JMJD1C: variants seen among roughly 807,000 people sequenced by gnomAD.
JMJD1C encodes jumonji domain containing 1C.
A neutral mutation model predicts 245.3 loss-of-function variants in JMJD1C; 31 were observed. The ratio of observed to expected loss-of-function variants is 0.13; its 90% CI spans 0.09 to 0.17. JMJD1C has a LOEUF of 0.17. Among genes scored for constraint, JMJD1C ranks in the 10% least tolerant of loss-of-function variants. The pLI is 1.00. For missense variants in JMJD1C, 2,691 were observed against 3,000.2 expected (o/e 0.90, Z 2.41); for synonymous variants, 1,057 against 1,017.4 (o/e 1.04, Z -0.74).
At chr10:63,263,821 G>T (rs1157983467) in intron 3 of JMJD1C, among the ~76,000 whole-genome samples, 2 of 151,372 alleles carry the variant, frequency 1.3e-5, no homozygotes, top group Non-Finnish European at 2.9e-5. Flanking sequence ...CATCCCAGCT[G>T]CTCTGGAGGC....
chr10:63,282,569 C>T (rs1206661938), intron 2 of JMJD1C, among the ~76,000 whole-genome samples: 1 of 152,184 alleles, frequency 6.6e-6, no homozygotes, highest in Non-Finnish European at 1.5e-5. Flanking sequence ...AATTACGATT[C>T]ATTTAAAAGT....
At chr10:63,428,355 GATCA>G (rs1220779542) in intron 1 of JMJD1C, among the ~76,000 whole-genome samples, 7 of 152,220 alleles carry the variant, frequency 4.6e-5, no homozygotes, top group South Asian at 4.1e-4. Context: ...ATTGACAAAA[GATCA>G]ATTAACGAAA....
At chr10:63,249,757 G>A (rs1852788924) in intron 3 of JMJD1C, among the ~76,000 whole-genome samples, 4 of 152,022 alleles carry the variant, frequency 2.6e-5, no homozygotes, top group South Asian at 2.1e-4. Context: ...CTACTCGGGA[G>A]GCTGAGGCAG....
intron 3 of JMJD1C, among the ~76,000 whole-genome samples, chr10:63,264,030 C>A (rs1464766197): frequency 1.4e-5 from 2 of 143,838 alleles, no homozygotes; most frequent in Non-Finnish European, 3.0e-5. Flanking sequence ...TTTACTTATA[C>A]CTGAAAAAAT....
At chr10:63,392,824 CAAAAAAAAAAAAA>C (rs991038264) in intron 1 of JMJD1C, among the ~76,000 whole-genome samples, 3 of 28,816 alleles carry the variant, frequency 1.0e-4, no homozygotes, top group South Asian at 1.3e-3. Context: ...ACTTCGTCTC[CAAAAAAAAAAAAA>C]AAAAAAAAAG....
rs200143103 is a variant in JMJD1C, at chr10:63,208,601, C to A, written c.3068G>T (p.Arg1023Leu). 2 of 1,613,908 alleles carry A rather than the reference C, an allele frequency of 1.2e-6. No homozygotes were observed. Among genetic ancestry groups the A allele is most frequent in the Non-Finnish European group, 1.7e-6 (2 of 1,179,820 alleles). The change falls in exon 10 of 26, where the codon CGT (arginine) becomes CTT (leucine). Residue 1023 changes from arginine to leucine, a missense_variant. This residue lies in a region of JMJD1C where 1,562 missense variants were observed against 1,490.7 expected (regional missense o/e 1.05). Transcript: ENST00000399262. ...ATCAATACTTTCTTGAAGAATTCGA[C>A]GGTGTTCCTCTTTGTATTTGTTTAA... ...ERLNKYKEEH[R>L]RILQESIDVA...
chr10:63,387,667 G>A (rs1411335962), intron 1 of JMJD1C, among the ~76,000 whole-genome samples: 17 of 94,548 alleles, frequency 1.8e-4, no homozygotes, highest in African/African-American at 8.4e-4. Flanking sequence ...ACGGAGTCTC[G>A]CTCTGTCGCC....
At chr10:63,521,517 C>G in intron 1 of JMJD1C, 2 of 1,407,584 alleles carry the variant, frequency 1.4e-6, no homozygotes, top group Non-Finnish European at 1.9e-6. Flanking sequence ...CCCACCCGCC[C>G]CGGACGTGGG....
Position 63,362,570 on chromosome 10 carries a change from C to G in JMJD1C, c.333+17748G>C, listed in dbSNP as rs149637888. On this transcript the variant is annotated intron_variant, in intron 2 of 25. Coordinates refer to ENST00000399262, the MANE Select transcript of JMJD1C (RefSeq NM_032776.3). ...TGACAGCTCACTGCAGCCTTGGCCT[C>G]CAAGGCTGAAATGATCCTCCCGCCT... Among the ~76,000 whole-genome samples the G allele has an allele frequency of 3.3e-5, 5 of 152,162 alleles. No individual in the cohort carries two copies. The East Asian group carries it at 7.8e-4, about 24-fold the overall frequency.
At chr10:63,353,445 G>A (rs905098757) in intron 2 of JMJD1C, among the ~76,000 whole-genome samples, 7 of 152,082 alleles carry the variant, frequency 4.6e-5, no homozygotes, top group Non-Finnish European at 1.0e-4. Context: ...CAGGTGAAAC[G>A]GTAGATTTTT....
intron 2 of JMJD1C, among the ~76,000 whole-genome samples, chr10:63,277,696 G>A (rs910691347): frequency 1.4e-5 from 2 of 141,012 alleles, no homozygotes; most frequent in African/African-American, 5.2e-5. Context: ...GACCAAGTAA[G>A]AGCAAAATAT....
chr10:63,287,852 A>C (rs1368972911), intron 2 of JMJD1C, among the ~76,000 whole-genome samples: 1 of 151,740 alleles, frequency 6.6e-6, no homozygotes, highest in Non-Finnish European at 1.5e-5. Context: ...GGTTCAAGTG[A>C]TTCTCCTGCC....
intron 1 of JMJD1C, among the ~76,000 whole-genome samples, chr10:63,422,630 T>C (rs1468996663): frequency 6.6e-6 from 1 of 152,200 alleles, no homozygotes; most frequent in Non-Finnish European, 1.5e-5. Context: ...ACATTAAACG[T>C]ACTGGACTTC....
In JMJD1C at chr10:63,465,542, C is replaced by A. The variant is rs1373512068; in HGVS notation, c.121G>T (p.Val41Phe). ...TCCCTGTGTGACACGGCTCGGATGA[C>A]CCCCGCTCGCCAGCTTCGCCAGCCG... is the stretch of plus-strand genomic sequence containing the variant. ...GRGWRSWRAG[V>F]IRAVSHRDSR... The change falls in exon 1 of 26, where the codon GTC (valine) becomes TTC (phenylalanine). Residue 41 changes from valine (V) to phenylalanine (F), a missense_variant. By Grantham distance (50) the Val-to-Phe change is conservative. Coordinates refer to ENST00000399262, the MANE Select transcript of JMJD1C (RefSeq NM_032776.3). 1.2e-6 allele frequency: 2 copies of A among 1,601,486 alleles called. No individual in the cohort carries two copies. The highest frequency in any genetic ancestry group is 1.1e-5 in the South Asian group (1 of 90,342).
In JMJD1C at chr10:63,238,008, A is replaced by T. The variant is rs926319183; in HGVS notation, c.448-18025T>A. Among the ~76,000 whole-genome samples the T allele has an allele frequency of 7.6e-3, 122 of 16,030 alleles. 2 individuals are homozygous for T. Among genetic ancestry groups the T allele is most frequent in the African/African-American group, 0.044 (115 of 2,618 alleles). 10.5% of individuals were successfully genotyped at this position (16,030 alleles called of 152,430 possible). A position where few individuals can be genotyped will look rare whatever the true frequency, so the allele number is the denominator to read the frequency against. ...ACACAGTGAAACCCCGTCTCTACTA[A>T]AAAAAAAAAAAAAAAAAAAAAAAAA... On this transcript the variant is annotated intron_variant, in intron 3 of 25. Transcript: ENST00000399262.
At chr10:63,311,883 CG>C (rs145427616) in intron 2 of JMJD1C, among the ~76,000 whole-genome samples, 17,770 of 152,040 alleles carry the variant, frequency 0.12, 2,375 homozygotes, top group African/African-American at 0.33. Flanking sequence ...CAACGCTGCA[CG>C]GTACATAGTT....
chr10:63,510,994 C>T (rs1015971124), intron 1 of JMJD1C, among the ~76,000 whole-genome samples: 4 of 152,192 alleles, frequency 2.6e-5, no homozygotes, highest in Admixed American at 1.3e-4. Flanking sequence ...TATAGCTACC[C>T]TCAGTTTATT....
intron 2 of JMJD1C, among the ~76,000 whole-genome samples, chr10:63,290,062 T>C (rs1270872369): frequency 2.6e-5 from 4 of 151,854 alleles, no homozygotes; most frequent in Non-Finnish European, 4.4e-5. Flanking sequence ...TCTTTGAAAA[T>C]ATATAAATTA....
At chr10:63,458,215 T>C (rs967802122) in intron 1 of JMJD1C, among the ~76,000 whole-genome samples, 9 of 152,194 alleles carry the variant, frequency 5.9e-5, no homozygotes, top group Non-Finnish European at 1.0e-4. Flanking sequence ...CTGGATGCCA[T>C]GGCTCACACC....
Sources: gnomAD v4.1 joint callset for allele counts (sites outside exome capture counted in the v4.1 genomes callset) on GRCh38, gnomAD v4.1.1 for gene constraint, gnomAD v4.1.1 regional missense constraint, MANE v1.5 for transcripts, NCBI Gene and HGNC (gene_info 2026-07-23, HGNC 2026-07-21) for gene names.